Variants in FRMD8 observed in about 807,000 individuals in gnomAD.
FRMD8 encodes FERM domain containing 8, also known as FERM domain-containing protein 8.
A neutral mutation model predicts 54.2 loss-of-function variants in FRMD8; 37 were observed. The observed-to-expected ratio is 0.68, with a 90% CI of 0.53 to 0.90. The LOEUF (loss-of-function observed/expected upper bound fraction) is 0.90. Among genes scored for constraint, FRMD8 ranks in the 40% least tolerant of loss-of-function variants. The probability of loss-of-function intolerance (pLI) is 0.00; values close to 1 mark genes in which losing one functional copy is unlikely to be tolerated. For synonymous variants in FRMD8, 246 were observed against 286.9 expected (o/e 0.86, Z 1.44); for missense variants, 585 against 653.7 (o/e 0.89, Z 1.15).
intron 3 of FRMD8, 51 bp from the exon 4 acceptor site, chr11:65,393,522 C>T (rs1394108474): frequency 1.4e-6 from 2 of 1,383,604 alleles, no homozygotes; most frequent in East Asian, 2.3e-5. Context: ...GGAAGGGCAG[C>T]CACTGGACTG....
chr11:65,393,243 C>T (rs1185348936), intron 3 of FRMD8, among the ~76,000 whole-genome samples: 1 of 152,214 alleles, frequency 6.6e-6, no homozygotes, highest in Non-Finnish European at 1.5e-5. Context: ...CTGAGGGTTC[C>T]TTTGTGCCCC....
intron 10 of FRMD8, among the ~76,000 whole-genome samples, chr11:65,410,034 C>T (rs1856294278): frequency 6.6e-6 from 1 of 151,708 alleles, no homozygotes; most frequent in African/African-American, 2.4e-5. Context: ...GATTGTAACA[C>T]TGCACTCCAG....
chr11:65,399,724 T>G lies in FRMD8; in HGVS notation c.804-12T>G, dbSNP rs1009867814. The G allele has an allele frequency of 6.2e-7, 1 of 1,613,260 alleles. No individual in the cohort carries two copies. The highest frequency in any genetic ancestry group is 1.1e-5 in the South Asian group (1 of 90,952). ...GGTGCTGGCCGGAGGCTGACCCCAGTCCCCTCCCCAGGTGTGCCTTCTTCC... is the reference window on the plus strand; with the variant it reads ...GGTGCTGGCCGGAGGCTGACCCCAGGCCCCTCCCCAGGTGTGCCTTCTTCC... On this transcript the variant is annotated splice_polypyrimidine_tract_variant and intron_variant, in intron 7 of 10. Transcript: ENST00000317568.
the FRMD8 span, chr11:65,378,764 C>T: frequency 6.5e-6 from 1 of 152,778 alleles, no homozygotes; most frequent in Admixed American, 6.5e-5. Flanking sequence ...TGCTTATGCT[C>T]ACAGGACCCA....
the FRMD8 span, among the ~76,000 whole-genome samples, chr11:65,368,319 G>A: frequency 1.3e-5 from 2 of 151,702 alleles, no homozygotes; most frequent in Admixed American, 6.6e-5. Context: ...CAGGTGATCC[G>A]CCCACCTCGG....
At chr11:65,376,895 T>A in the FRMD8 span, 148 of 1,613,416 alleles carry the variant, frequency 9.2e-5, no homozygotes, top group African/African-American at 1.6e-3. Context: ...CGTGGGGGTG[T>A]CCCTCAGCGT....
At chr11:65,399,267 G>A (rs1056026890) in intron 7 of FRMD8, among the ~76,000 whole-genome samples, 1 of 152,040 alleles carries the variant, frequency 6.6e-6, no homozygotes, top group Admixed American at 6.6e-5. Context: ...CCAAAGTGCT[G>A]AGATCACAGG....
the FRMD8 span, chr11:65,380,201 G>T: frequency 6.2e-7 from 1 of 1,614,002 alleles, no homozygotes; most frequent in African/African-American, 1.3e-5. Flanking sequence ...GGTGCTATGA[G>T]TGAGGGCCCT....
chr11:65,371,815 T>C, the FRMD8 span, among the ~76,000 whole-genome samples: 8 of 151,938 alleles, frequency 5.3e-5, no homozygotes, highest in East Asian at 3.9e-4. Flanking sequence ...GGCGTTTCAC[T>C]GTGTTAGCCA....
At chr11:65,376,092 A>T in the FRMD8 span, 4 of 282,924 alleles carry the variant, frequency 1.4e-5, no homozygotes, top group Non-Finnish European at 2.0e-5. Context: ...AAAAAAAAAA[A>T]GAGGTGAAGG....
the FRMD8 span, chr11:65,376,919 C>T: frequency 1.2e-6 from 2 of 1,613,462 alleles, no homozygotes; most frequent in Non-Finnish European, 1.7e-6. Context: ...GGCCCAGGCT[C>T]CTCGGAACAG....
At chr11:65,394,181 A>T (rs958283076) in intron 5 of FRMD8, 78 bp from the exon 6 acceptor site, 269 of 1,596,792 alleles carry the variant, frequency 1.7e-4, no homozygotes, top group Non-Finnish European at 2.2e-4. Flanking sequence ...GGACATTCGC[A>T]CCTTGCCCCA....
chr11:65,376,675 C>T, the FRMD8 span: 1 of 1,613,770 alleles, frequency 6.2e-7, no homozygotes. Context: ...CGTGGCTGAG[C>T]CTGGGGCAGA....
Position 65,400,578 on chromosome 11 carries a change from A to G in FRMD8, c.928-146A>G. The G allele has an allele frequency of 1.3e-6, 1 of 787,052 alleles. No individual in the cohort carries two copies. The highest frequency in any genetic ancestry group is 1.9e-6 in the Non-Finnish European group (1 of 533,876). 48.8% of individuals were successfully genotyped at this position (787,052 alleles called of 1,614,324 possible). ...CCCTGGCAGGCTCTGATGAAAGCTG[A>G]GGCTCTCTCCTTACAGAAACACATG... is the stretch of plus-strand genomic sequence containing the variant. On this transcript the variant is annotated intron_variant, in intron 8 of 10. Coordinates refer to ENST00000317568, the MANE Select transcript of FRMD8 (RefSeq NM_031904.5). The surrounding 1 kb of genome is among the most constrained non-coding windows in gnomAD (Gnocchi z 4.3).
chr11:65,396,830 C>T lies in FRMD8; in HGVS notation c.613C>T (p.Leu205Phe). 3 of 1,559,776 alleles carry T rather than the reference C, an allele frequency of 1.9e-6. No individual in the cohort carries two copies. The highest frequency in any genetic ancestry group is 2.6e-6 in the Non-Finnish European group (3 of 1,152,954). ...EKLDSFLPAH[L>F]CKRGQSLFAA... ...GCTGGACTCCTTCCTCCCTGCCCAC[C>T]TCTGTAAGCGGGGCCAGAGTCTCTT... The change falls in exon 7 of 11, where the codon CTC becomes TTC. Residue 205 changes from leucine (L) to phenylalanine (F), a missense_variant. By Grantham distance (22) the Leu-to-Phe change is conservative. Transcript: ENST00000317568.
intron 10 of FRMD8, among the ~76,000 whole-genome samples, chr11:65,408,803 T>C (rs1348455065): frequency 6.6e-6 from 1 of 151,942 alleles, no homozygotes; most frequent in Non-Finnish European, 1.5e-5. Flanking sequence ...CAAGGCAGCG[T>C]CTCACTATGT....
At chr11:65,376,205 T>C in the FRMD8 span, 2 of 623,912 alleles carry the variant, frequency 3.2e-6, no homozygotes, top group East Asian at 2.8e-5. Context: ...CAAGGCCAGC[T>C]ACACAGGGAG....
intron 3 of FRMD8, among the ~76,000 whole-genome samples, chr11:65,392,345 G>A (rs759189058): frequency 2.6e-5 from 4 of 152,172 alleles, no homozygotes; most frequent in East Asian, 1.9e-4. Context: ...CAGGAGGGGC[G>A]ATTGGCCATC....
intron 3 of FRMD8, among the ~76,000 whole-genome samples, chr11:65,391,884 A>G (rs1338742494): frequency 6.6e-6 from 1 of 152,216 alleles, no homozygotes; most frequent in Non-Finnish European, 1.5e-5. Flanking sequence ...TGGTTTAGCC[A>G]GTAGCCCCAT....
Sources: allele counts gnomAD v4.1 joint callset (sites outside exome capture counted in the v4.1 genomes callset), GRCh38; gene constraint gnomAD v4.1.1; non-coding constraint Gnocchi (gnomAD v3.1); transcripts MANE v1.5; gene names NCBI Gene and HGNC (gene_info 2026-07-23, HGNC 2026-07-21).